The following FARS2 variants were observed in gnomAD, a reference collection of about 807,000 sequenced individuals.
FARS2 encodes phenylalanyl-tRNA synthetase 2, mitochondrial, also known as phenylalanine--tRNA ligase, mitochondrial.
A neutral mutation model predicts 46.4 loss-of-function variants in FARS2; 40 were observed. The ratio of observed to expected loss-of-function variants is 0.86; its 90% CI spans 0.67 to 1.12. The LOEUF is 1.12. FARS2 is among the 50% of genes most tolerant of loss of function. FARS2 has a pLI of 0.00. For missense variants in FARS2, 513 were observed against 567.9 expected, an observed-to-expected ratio of 0.90 and a Z score of 0.98; for synonymous variants, 234 against 214.9, an observed-to-expected ratio of 1.09 and a Z score of -0.78.
Position 5,579,282 on chromosome 6 carries a change from A to G in FARS2, c.1066-33887A>G, listed in dbSNP as rs150272892. Among the ~76,000 whole-genome samples, 7 of 152,060 alleles carry G rather than the reference A, an allele frequency of 4.6e-5. No homozygotes were observed. The East Asian group carries it at 7.7e-4, about 17-fold the overall frequency. On this transcript the variant is annotated intron_variant, in intron 5 of 6. Transcript: ENST00000274680. ...TTATGAAGTTTTTTGTTTTTTTTAG[A>G]TGGAGTATTGCTCTGTCTCCCAGGC...
At chr6:5,291,587 T>C (rs1224021880) in intron 1 of FARS2, among the ~76,000 whole-genome samples, 1 of 152,190 alleles carries the variant, frequency 6.6e-6, no homozygotes. Flanking sequence ...GAGAGATTTA[T>C]CAATCCTTTT....
chr6:5,724,655 C>T (rs1760136266), intron 6 of FARS2, among the ~76,000 whole-genome samples: 1 of 152,220 alleles, frequency 6.6e-6, no homozygotes, highest in Non-Finnish European at 1.5e-5. Context: ...CTGTCCCTCA[C>T]GGAAGGATCT....
At chr6:5,260,883 C>T, upstream of FARS2, 1 of 1,424,888 alleles carries the variant, frequency 7.0e-7, no homozygotes, top group South Asian at 1.5e-5. Context: ...CCTAAGCGGG[C>T]AGCCCTGCGG....
chr6:5,506,333 G>A (rs373654388), intron 4 of FARS2, among the ~76,000 whole-genome samples: 53 of 152,300 alleles, frequency 3.5e-4, no homozygotes, highest in African/African-American at 1.2e-3. Context: ...AAGTTTTTTA[G>A]CAGAGAGAAA....
chr6:5,368,578 G>C lies in FARS2; in HGVS notation c.8G>C (p.Gly3Ala), dbSNP rs200380429. 1.2e-6 allele frequency: 2 copies of C among 1,608,496 alleles called. No individual in the cohort carries two copies. Among genetic ancestry groups the C allele is most frequent in the East Asian group, 2.2e-5 (1 of 44,796 alleles). The stretch of plus-strand genomic sequence containing the variant: ...CTGTGAGAAGTTTCTACAATGGTGG[G>C]CTCAGCTCTCAGGAGAGGTGCCCAT... MV[G>A]SALRRGAHAY... The change falls in exon 2 of 7, where the codon GGC (glycine) becomes GCC (alanine). Residue 3 changes from glycine to alanine, a missense_variant. By Grantham distance (60) the Gly-to-Ala change is moderately conservative. Transcript: ENST00000274680.
chr6:5,595,352 C>G (rs371015671), intron 5 of FARS2, among the ~76,000 whole-genome samples: 1 of 152,160 alleles, frequency 6.6e-6, no homozygotes, highest in Non-Finnish European at 1.5e-5. Context: ...TCAGCTGAAC[C>G]GCCAATCATG....
chr6:5,549,977 G>T (rs1325891785), intron 5 of FARS2, among the ~76,000 whole-genome samples: 1 of 152,082 alleles, frequency 6.6e-6, no homozygotes, highest in Admixed American at 6.5e-5. Context: ...ATTATCTAAA[G>T]CTGGTTTATG....
At position 5,479,531 on chromosome 6, in the gene FARS2, T is replaced by G. The variant is rs113104068; in HGVS notation, c.904+48359T>G. Reference sequence around the variant, plus strand: ...CCCAGCAGGATAAAAGCATTTCTAATACACAGTTGTTTATCTTTTAAATTT... The same window carrying G: ...CCCAGCAGGATAAAAGCATTTCTAAGACACAGTTGTTTATCTTTTAAATTT... On this transcript the variant is annotated intron_variant, in intron 4 of 6. Coordinates refer to ENST00000274680, the MANE Select transcript of FARS2 (RefSeq NM_006567.5). Among the ~76,000 whole-genome samples the G allele has an allele frequency of 6.0e-4, 92 of 152,352 alleles. 2 individuals are homozygous for G. The highest frequency in any genetic ancestry group is 2.1e-3 in the African/African-American group (88 of 41,594).
chr6:5,710,930 A>G (rs1017458052), intron 6 of FARS2, among the ~76,000 whole-genome samples: 6 of 152,230 alleles, frequency 3.9e-5, no homozygotes, highest in South Asian at 2.1e-4. Context: ...TATTACTTCA[A>G]TGGTGGCGAA....
At chr6:5,618,399 A>C (rs1775585699) in intron 6 of FARS2, among the ~76,000 whole-genome samples, 1 of 152,208 alleles carries the variant, frequency 6.6e-6, no homozygotes, top group Non-Finnish European at 1.5e-5. Flanking sequence ...ATATAAATGA[A>C]ATATAGCCTG....
rs185984477 is a variant in FARS2, at chr6:5,557,191, A to G, written c.1065+11851A>G. 4.1e-3 allele frequency among the ~76,000 whole-genome samples: 619 copies of G among 152,240 alleles called. 3 individuals carry two copies. The highest frequency in any genetic ancestry group is 0.015 in the African/African-American group (602 of 41,508). On this transcript the variant is annotated intron_variant, in intron 5 of 6. Coordinates refer to ENST00000274680, the MANE Select transcript of FARS2 (RefSeq NM_006567.5). Reference sequence around the variant, plus strand: ...TGTGAATATGGGAAGTAATTGTTACAGGGTGGCAGGAGGGATGACTTTGGC... The same window carrying G: ...TGTGAATATGGGAAGTAATTGTTACGGGGTGGCAGGAGGGATGACTTTGGC...
chr6:5,367,830 T>C (rs1202413479), intron 1 of FARS2, among the ~76,000 whole-genome samples: 2 of 152,150 alleles, frequency 1.3e-5, no homozygotes, highest in Non-Finnish European at 2.9e-5. Context: ...GTGAGAAGAT[T>C]TGCATTTACA....
At chr6:5,288,275 C>A (rs1369976722) in intron 1 of FARS2, among the ~76,000 whole-genome samples, 1 of 148,798 alleles carries the variant, frequency 6.7e-6, no homozygotes, top group Non-Finnish European at 1.5e-5. Context: ...GAAGTGACTT[C>A]TTCTTCTTCT....
chr6:5,334,842 C>T (rs994954567), intron 1 of FARS2, among the ~76,000 whole-genome samples: 7 of 152,160 alleles, frequency 4.6e-5, no homozygotes, highest in Non-Finnish European at 8.8e-5. Context: ...AATATTATCT[C>T]TCCAGGAATA....
chr6:5,507,775 A>G (rs961039154), intron 4 of FARS2, among the ~76,000 whole-genome samples: 3 of 152,238 alleles, frequency 2.0e-5, no homozygotes, highest in African/African-American at 7.2e-5. Context: ...ACACAGAGAG[A>G]AGACCGGAGG....
chr6:5,722,237 G>A (rs983504698), intron 6 of FARS2, among the ~76,000 whole-genome samples: 3 of 152,138 alleles, frequency 2.0e-5, no homozygotes, highest in South Asian at 2.1e-4. Flanking sequence ...AGCGAAAAGG[G>A]CAAATAAAGT....
rs560836973 is a variant in FARS2 at position 5,614,152 on chromosome 6, G to A, written c.1217+832G>A. Among the ~76,000 whole-genome samples the A allele has an allele frequency of 8.5e-5, 13 of 152,266 alleles. No individual in the cohort carries two copies. The East Asian group carries it at 2.3e-3, about 27-fold the overall frequency. ...TCAGACTTGGAATTTTACCCTAATT[G>A]TAGTGGGAAGCTATAGAAGGATAGG... On this transcript the variant is annotated intron_variant, in intron 6 of 6. Coordinates refer to ENST00000274680, the MANE Select transcript of FARS2 (RefSeq NM_006567.5).
At chr6:5,405,784 G>A (rs558820897) in intron 3 of FARS2, among the ~76,000 whole-genome samples, 4 of 152,164 alleles carry the variant, frequency 2.6e-5, no homozygotes, top group African/African-American at 4.8e-5. Flanking sequence ...GATCCACGGC[G>A]CCCGGCCCAG....
intron 4 of FARS2, among the ~76,000 whole-genome samples, chr6:5,521,417 G>A (rs1769127234): frequency 6.6e-6 from 1 of 151,642 alleles, no homozygotes; most frequent in South Asian, 2.1e-4. Flanking sequence ...CTGCTGGACT[G>A]TGAATGTATA....
Sources: gnomAD v4.1 joint callset for allele counts (sites outside exome capture counted in the v4.1 genomes callset) on GRCh38, gnomAD v4.1.1 for gene constraint, MANE v1.5 for transcripts, NCBI Gene and HGNC (gene_info 2026-07-23, HGNC 2026-07-21) for gene names.